MMP16: variants seen among roughly 807,000 people sequenced by gnomAD.
MMP16 encodes matrix metallopeptidase 16, also known as matrix metalloproteinase-16.
Under a neutral mutation model 67.8 loss-of-function variants are expected in MMP16, and 12 were observed. That is an observed-to-expected ratio of 0.18 (90% CI 0.11 to 0.29). The LOEUF (loss-of-function observed/expected upper bound fraction) is 0.29, where lower values mean the gene tolerates loss of function less well. Ranked by LOEUF, MMP16 falls within the 10% of genes least tolerant of loss-of-function variation. The pLI is 1.00. For synonymous variants in MMP16, 249 were observed against 255.9 expected, an observed-to-expected ratio of 0.97 and a Z score of 0.26; for missense variants, 475 against 765.7, an observed-to-expected ratio of 0.62 and a Z score of 4.48.
At chr8:88,256,136 A>G (rs1042791594) in intron 1 of MMP16, among the ~76,000 whole-genome samples, 6 of 152,018 alleles carry the variant, frequency 3.9e-5, no homozygotes, top group African/African-American at 1.2e-4. Context: ...CACTAATTCT[A>G]TCTTCAATAG....
chr8:88,053,123 A>C (rs975118260), intron 8 of MMP16, among the ~76,000 whole-genome samples: 4 of 152,156 alleles, frequency 2.6e-5, no homozygotes, highest in African/African-American at 9.7e-5. Context: ...CAGAAATCTT[A>C]AGGAAGCAGG....
intron 1 of MMP16, among the ~76,000 whole-genome samples, chr8:88,319,684 T>C (rs559086861): frequency 2.0e-5 from 3 of 152,286 alleles, no homozygotes; most frequent in Admixed American, 6.5e-5. Flanking sequence ...CTACATTCCA[T>C]TGACATCACA....
chr8:88,275,522 A>T (rs1221010585), intron 1 of MMP16, among the ~76,000 whole-genome samples: 3 of 151,518 alleles, frequency 2.0e-5, no homozygotes, highest in African/African-American at 7.3e-5. Flanking sequence ...TCAGAATTGG[A>T]TCTAATAAAC....
At position 88,140,503 on chromosome 8, in the gene MMP16, G is replaced by T. The variant is rs760177063; in HGVS notation, c.710-21642C>A. Reference sequence around the variant, plus strand: ...TGGGACAAGTGTCAAAGAATTTGTAGATATATTTTAGAAGCACCACAACAG... The same window carrying T: ...TGGGACAAGTGTCAAAGAATTTGTATATATATTTTAGAAGCACCACAACAG... On this transcript the variant is annotated intron_variant, in intron 4 of 9. Transcript: ENST00000286614. Among the ~76,000 whole-genome samples the T allele has an allele frequency of 9.7e-4, 148 of 152,160 alleles. 1 individual carries two copies. Among genetic ancestry groups the T allele is most frequent in the Non-Finnish European group, 1.9e-4 (13 of 68,008 alleles).
At chr8:88,282,530 A>G (rs570667111) in intron 1 of MMP16, among the ~76,000 whole-genome samples, 1 of 152,342 alleles carries the variant, frequency 6.6e-6, no homozygotes, top group South Asian at 2.1e-4. Flanking sequence ...TGCAATGTAG[A>G]TAGATATGCT....
chr8:88,194,023 G>A (rs1809212160), intron 2 of MMP16, among the ~76,000 whole-genome samples: 1 of 151,686 alleles, frequency 6.6e-6, no homozygotes, highest in African/African-American at 2.4e-5. Flanking sequence ...TTCTGTGGGA[G>A]GGAATAAGTA....
At chr8:88,202,578 T>C (rs1209254676) in intron 1 of MMP16, among the ~76,000 whole-genome samples, 1 of 151,158 alleles carries the variant, frequency 6.6e-6, no homozygotes, top group Non-Finnish European at 1.5e-5. Flanking sequence ...GATTTTACTG[T>C]TTTTTTTTCT....
intron 8 of MMP16, among the ~76,000 whole-genome samples, chr8:88,047,803 G>A (rs977999909): frequency 6.6e-6 from 1 of 152,310 alleles, no homozygotes. Flanking sequence ...TTATGGCTAA[G>A]TGTTGAAAAG....
intron 1 of MMP16, among the ~76,000 whole-genome samples, chr8:88,318,630 T>C (rs1203457160): frequency 1.3e-5 from 2 of 152,168 alleles, no homozygotes; most frequent in Non-Finnish European, 2.9e-5. Flanking sequence ...GCTATCCCAC[T>C]TCAGCACTTC....
At chr8:88,208,818 C>CAAAAAAA (rs59898929) in intron 1 of MMP16, among the ~76,000 whole-genome samples, 1 of 130,662 alleles carries the variant, frequency 7.7e-6, no homozygotes, top group Non-Finnish European at 1.6e-5. Flanking sequence ...GTAGATATGG[C>CAAAAAAA]AAAAAAAAAA....
At chr8:88,268,233 T>C (rs577227905) in intron 1 of MMP16, among the ~76,000 whole-genome samples, 1 of 152,214 alleles carries the variant, frequency 6.6e-6, no homozygotes, top group African/African-American at 2.4e-5. Flanking sequence ...TCTCAGCTAC[T>C]TGGGAGGCTG....
chr8:88,036,058 G>A lies in MMP16; in HGVS notation c.*5403C>T, dbSNP rs1808049818. 6.6e-6 allele frequency: 1 copy of A among 151,950 alleles called. No homozygotes were observed. Among genetic ancestry groups the A allele is most frequent in the Non-Finnish European group, 1.5e-5 (1 of 67,862 alleles). The allele number at this position is 151,950 out of a possible 1,614,324, so 9.4% of individuals were successfully genotyped here. On this transcript the variant is annotated 3_prime_UTR_variant, in exon 10 of 10. Transcript: ENST00000286614. ...CTACGCCAAGTGTCTTAGATTACATGAGTATTGAGGTAAATTTCTATTTCA... is the reference window on the plus strand; with the variant it reads ...CTACGCCAAGTGTCTTAGATTACATAAGTATTGAGGTAAATTTCTATTTCA...
At chr8:88,075,935 T>TCACACACACA (rs1586137452) in intron 6 of MMP16, among the ~76,000 whole-genome samples, 1 of 18,050 alleles carries the variant, frequency 5.5e-5, no homozygotes, top group African/African-American at 2.3e-4. Context: ...ACTCATATAT[T>TCACACACACA]CATACACACA....
chr8:88,254,884 G>A (rs1192625232), intron 1 of MMP16, among the ~76,000 whole-genome samples: 1 of 152,076 alleles, frequency 6.6e-6, no homozygotes, highest in African/African-American at 2.4e-5. Flanking sequence ...CATTAATTGT[G>A]ACAAATGTGC....
intron 1 of MMP16, among the ~76,000 whole-genome samples, chr8:88,302,023 C>T (rs1811112202): frequency 6.6e-6 from 1 of 152,198 alleles, no homozygotes; most frequent in African/African-American, 2.4e-5. Flanking sequence ...TTTTTGTTCA[C>T]TCCAGCTCAC....
chr8:88,161,417 C>T (rs565610679), intron 4 of MMP16, among the ~76,000 whole-genome samples: 30 of 151,884 alleles, frequency 2.0e-4, no homozygotes, highest in African/African-American at 5.1e-4. Context: ...TTTTTTATTG[C>T]GTCTATTTGA....
At chr8:88,314,319 A>G in intron 1 of MMP16, among the ~76,000 whole-genome samples, 1 of 152,234 alleles carries the variant, frequency 6.6e-6, no homozygotes, top group East Asian at 1.9e-4. Context: ...TTTATCTGCT[A>G]ATTATAACAT....
chr8:88,164,166 G>C (rs1418361944), intron 4 of MMP16, among the ~76,000 whole-genome samples: 1 of 152,024 alleles, frequency 6.6e-6, no homozygotes, highest in African/African-American at 2.4e-5. Context: ...AATGTGCTGG[G>C]TACTTATCAA....
intron 2 of MMP16, among the ~76,000 whole-genome samples, chr8:88,192,714 G>A (rs944649752): frequency 5.3e-5 from 8 of 152,122 alleles, no homozygotes; most frequent in Non-Finnish European, 8.8e-5. Flanking sequence ...AAATGTTGGG[G>A]TTCTTGGTAC....
Sources: gnomAD v4.1 joint callset for allele counts (sites outside exome capture counted in the v4.1 genomes callset) on GRCh38, gnomAD v4.1.1 for gene constraint, MANE v1.5 for transcripts, NCBI Gene and HGNC (gene_info 2026-07-23, HGNC 2026-07-21) for gene names.